The following SLCO3A1 variants were observed in gnomAD, a reference collection of about 807,000 sequenced individuals.
SLCO3A1 encodes solute carrier organic anion transporter family member 3A1.
In SLCO3A1, 27 loss-of-function variants were observed where a neutral mutation model predicts 63.1. The ratio of observed to expected loss-of-function variants is 0.43; its 90% confidence interval spans 0.32 to 0.59. The LOEUF is 0.59. SLCO3A1 is among the 20% of genes least tolerant of loss of function. The pLI, the probability that SLCO3A1 is intolerant of heterozygous loss-of-function variation, is 0.09. For synonymous variants in SLCO3A1, 473 were observed against 409.9 expected (o/e 1.15, Z -1.86); for missense variants, 773 against 945.8 (o/e 0.82, Z 2.40).
At chr15:91,962,021 C>A (rs1597161837) in intron 2 of SLCO3A1, among the ~76,000 whole-genome samples, 1 of 152,230 alleles carries the variant, frequency 6.6e-6, no homozygotes, top group Non-Finnish European at 1.5e-5. Flanking sequence ...AAAGTAGTCG[C>A]TGCTGAGTCA....
chr15:91,955,802 A>C (rs962994167), intron 2 of SLCO3A1, among the ~76,000 whole-genome samples: 1 of 152,258 alleles, frequency 6.6e-6, no homozygotes, highest in African/African-American at 2.4e-5. Flanking sequence ...TAATTGGACC[A>C]ATAAGCAAAA....
intron 2 of SLCO3A1, among the ~76,000 whole-genome samples, chr15:91,997,796 T>C (rs1330306633): frequency 6.6e-6 from 1 of 152,180 alleles, no homozygotes; most frequent in African/African-American, 2.4e-5. Context: ...CTGAGATAGC[T>C]GATGAGCCAT....
chr15:91,877,523 G>C (rs1484638948), intron 1 of SLCO3A1, among the ~76,000 whole-genome samples: 5 of 152,190 alleles, frequency 3.3e-5, no homozygotes, highest in Non-Finnish European at 7.3e-5. Context: ...TCTTCAGAGA[G>C]TGGTATGGTG....
chr15:92,130,332 C>A (rs921632677), intron 7 of SLCO3A1, among the ~76,000 whole-genome samples: 8 of 152,218 alleles, frequency 5.3e-5, no homozygotes, highest in Non-Finnish European at 5.9e-5. Flanking sequence ...TACTGTTTGT[C>A]CCCCAGACAC....
intron 8 of SLCO3A1, among the ~76,000 whole-genome samples, chr15:92,150,112 C>G (rs2048285111): frequency 6.6e-6 from 1 of 152,154 alleles, no homozygotes; most frequent in Non-Finnish European, 1.5e-5. Context: ...GATGACTTAC[C>G]TGTACTGTCT....
rs1339908121 is a variant in SLCO3A1 at position 92,047,536 on chromosome 15, TATATATA to T, written c.647-47336_647-47330del. ...ATAAATACATAAATAAATATATAAA[TATATATA>T]ATATATAAATATATAAATATATATA... On this transcript the variant is annotated intron_variant, in intron 2 of 9. Transcript: ENST00000318445. Among the ~76,000 whole-genome samples the T allele has an allele frequency of 3.6e-3, 88 of 24,552 alleles. 24 individuals carry two copies. The highest frequency in any genetic ancestry group is 0.017 in the African/African-American group (79 of 4,602). 16.1% of individuals were successfully genotyped at this position (24,552 alleles called of 152,430 possible). A position where few individuals can be genotyped will look rare whatever the true frequency, so the allele number is the denominator to read the frequency against.
intron 2 of SLCO3A1, among the ~76,000 whole-genome samples, chr15:92,012,029 AGAG>A (rs1204162386): frequency 6.6e-6 from 1 of 152,250 alleles, no homozygotes; most frequent in South Asian, 2.1e-4. Context: ...CTGAAGCCTC[AGAG>A]GAGAAGGAGG....
At chr15:92,132,601 G>C (rs1221241640) in intron 7 of SLCO3A1, among the ~76,000 whole-genome samples, 2 of 109,854 alleles carry the variant, frequency 1.8e-5, no homozygotes, top group African/African-American at 6.7e-5. Flanking sequence ...TCCTTTTGAT[G>C]TACTAAATAA....
At position 91,858,113 on chromosome 15, in the gene SLCO3A1, TC is replaced by T. The variant is rs576487269; in HGVS notation, c.180+4027del. Among the ~76,000 whole-genome samples the T allele has an allele frequency of 1.1e-3, 170 of 152,080 alleles. 2 individuals are homozygous for T. Among genetic ancestry groups the T allele is most frequent in the African/African-American group, 4.0e-3 (166 of 41,504 alleles). ...GAGGCGAAACTGCTAGGTTTGTTAC[TC>T]CTTTTTTTTTTCTAAAGAAACATCA... On this transcript the variant is annotated intron_variant, in intron 1 of 9. Coordinates refer to ENST00000318445, the MANE Select transcript of SLCO3A1 (RefSeq NM_013272.4).
intron 2 of SLCO3A1, among the ~76,000 whole-genome samples, chr15:91,963,989 G>T (rs142585385): frequency 0.029 from 4,381 of 152,158 alleles, 114 homozygotes; most frequent in African/African-American, 0.068. Context: ...TTTACAAAGT[G>T]CTGATTGGTG....
rs549819503 is a variant in SLCO3A1 at position 92,146,463 on chromosome 15, C to T, written c.1513-521C>T. Among the ~76,000 whole-genome samples, 267 of 152,360 alleles carry T rather than the reference C, an allele frequency of 1.8e-3. 1 individual carries two copies. The highest frequency in any genetic ancestry group is 2.4e-3 in the Non-Finnish European group (164 of 68,036). Reference sequence around the variant, plus strand: ...AGAGAACTTTCCATCAGCTGTCCCTCGCCCAGCCTTGCAGACGCGGTGACT... The same window carrying T: ...AGAGAACTTTCCATCAGCTGTCCCTTGCCCAGCCTTGCAGACGCGGTGACT... On this transcript the variant is annotated intron_variant, in intron 7 of 9. Transcript: ENST00000318445.
chr15:92,022,144 C>G (rs1363437051), intron 2 of SLCO3A1, among the ~76,000 whole-genome samples: 1 of 152,152 alleles, frequency 6.6e-6, no homozygotes, highest in African/African-American at 2.4e-5. Flanking sequence ...TCAAGTGATA[C>G]CAGGAAATTC....
intron 1 of SLCO3A1, among the ~76,000 whole-genome samples, chr15:91,898,980 G>A (rs1898081086): frequency 6.6e-6 from 1 of 152,082 alleles, no homozygotes; most frequent in Non-Finnish European, 1.5e-5. Context: ...TCTTTGGGAT[G>A]AAGAGTGGCC....
chr15:92,069,096 GCCCCCC>G (rs56003783), intron 2 of SLCO3A1, among the ~76,000 whole-genome samples: 67 of 115,808 alleles, frequency 5.8e-4, no homozygotes, highest in African/African-American at 2.2e-3. Context: ...GGCTCCCCCC[GCCCCCC>G]CCCCGCCACC....
At chr15:91,965,721 G>GGTGTGTGTGTGT (rs35543509) in intron 2 of SLCO3A1, among the ~76,000 whole-genome samples, 18 of 147,634 alleles carry the variant, frequency 1.2e-4, no homozygotes, top group African/African-American at 4.5e-4. Flanking sequence ...CAGCCAGCAG[G>GGTGTGTGTGTGT]GTGTGTGTGT....
In SLCO3A1 at chr15:92,146,999, G is replaced by A. The variant is rs778065090; in HGVS notation, c.1528G>A (p.Ala510Thr). Residue 510 changes from alanine (A) to threonine (T), a missense_variant, in exon 8 of 10, where the codon GCG becomes ACG. Coordinates refer to ENST00000318445, the MANE Select transcript of SLCO3A1 (RefSeq NM_013272.4). ...TCCCTTTCAGAATCTCACGGGCTGT[G>A]CGTGCCTCACCACCGTCCCTGCTGA... is the stretch of plus-strand genomic sequence containing the variant. Reference protein sequence around the residue: ...GCNSTNLTGCACLTTVPAENA... With the variant: ...GCNSTNLTGCTCLTTVPAENA... 7 of 1,613,002 alleles carry A rather than the reference G, an allele frequency of 4.3e-6. No homozygotes were observed. In the South Asian group the frequency reaches 6.6e-5, roughly 15 times the overall value.
rs564725900 is a variant in SLCO3A1 at position 91,969,917 on chromosome 15, C to A, written c.646+53459C>A. Among the ~76,000 whole-genome samples the A allele has an allele frequency of 7.9e-5, 12 of 152,254 alleles. No homozygotes were observed. The East Asian group carries it at 2.3e-3, about 29-fold the overall frequency. On this transcript the variant is annotated intron_variant, in intron 2 of 9. Transcript: ENST00000318445. ...GGTAGAAGAAAATTTGACCTGGGCG[C>A]AGTCATCAGTTTGGACTCTAACTTC...
intron 1 of SLCO3A1, among the ~76,000 whole-genome samples, chr15:91,915,508 A>C (rs1043691333): frequency 6.6e-6 from 1 of 152,092 alleles, no homozygotes; most frequent in Non-Finnish European, 1.5e-5. Context: ...GGTTTTGTTA[A>C]GTTTGTTTTT....
intron 9 of SLCO3A1, chr15:92,157,352 A>AGGG (rs2048383725): frequency 6.6e-6 from 1 of 152,168 alleles, no homozygotes; most frequent in Non-Finnish European, 1.5e-5. Context: ...CACCATCATC[A>AGGG]AGCTCCCTTG....
Sources: gnomAD v4.1 joint callset for allele counts (sites outside exome capture counted in the v4.1 genomes callset) on GRCh38, gnomAD v4.1.1 for gene constraint, MANE v1.5 for transcripts, NCBI Gene and HGNC (gene_info 2026-07-23, HGNC 2026-07-21) for gene names.